FBN3: variants seen among roughly 807,000 people sequenced by gnomAD.
The protein encoded by FBN3 is fibrillin-3.
In FBN3, 234 loss-of-function variants were observed where a neutral mutation model predicts 330.1. The ratio of observed to expected loss-of-function variants is 0.71; its 90% CI spans 0.64 to 0.79. The LOEUF (loss-of-function observed/expected upper bound fraction) is 0.79. Among genes scored for constraint, FBN3 ranks in the 30% least tolerant of loss-of-function variants. FBN3 has a pLI of 0.00. For synonymous variants in FBN3, 1,458 were observed against 1,517.3 expected (o/e 0.96, Z 0.91); for missense variants, 3,606 against 3,886.9 (o/e 0.93, Z 1.92).
intron 61 of FBN3, among the ~76,000 whole-genome samples, chr19:8,073,544 G>C (rs1173844285): frequency 6.6e-6 from 1 of 152,234 alleles, no homozygotes; most frequent in Non-Finnish European, 1.5e-5. Context: ...GGATGATCTA[G>C]AACAAGCTTT....
intron 60 of FBN3, 42 bp from the exon 61 acceptor site, chr19:8,075,232 C>T (rs763183824): frequency 6.3e-7 from 1 of 1,580,582 alleles, no homozygotes; most frequent in East Asian, 2.3e-5. Flanking sequence ...CCAGACGGCT[C>T]TCAGGACCAA....
At position 8,075,375 on chromosome 19, in the gene FBN3, C is replaced by T; in HGVS notation, c.7490G>A (p.Gly2497Asp). The T allele has an allele frequency of 6.2e-7, 1 of 1,614,034 alleles. No individual in the cohort carries two copies. Among genetic ancestry groups the T allele is most frequent in the Non-Finnish European group, 8.5e-7 (1 of 1,179,986 alleles). ...GGTGTTGTGGCAGTGCCCGTGGGCA[C>T]CACATGGGCCAGGCTGGGCTGAGCA... ...DECSAQPGPC[G>D]AHGHCHNTPG... Residue 2497 changes from glycine (G) to aspartate (D), a missense_variant, in exon 60 of 64, where the codon GGT (glycine) becomes GAT (aspartate). Transcript: ENST00000600128.
rs1162137725 is a variant in FBN3 at position 8,087,074 on chromosome 19, T to C, written c.6754+3A>G. 2.5e-6 allele frequency: 4 copies of C among 1,606,846 alleles called. No homozygotes were observed. The highest frequency in any genetic ancestry group is 2.2e-5 in the East Asian group (1 of 44,482). On this transcript the variant is annotated splice_donor_region_variant and intron_variant, in intron 54 of 63. Coordinates refer to ENST00000600128, the MANE Select transcript of FBN3 (RefSeq NM_032447.5). ...GCACCCATGAAGCTCCAGTGCCCCA[T>C]ACCTGTGCAGCCCTCCCCAGAGCCA...
intron 58 of FBN3, 112 bp from the exon 59 acceptor site, chr19:8,081,231 C>A: frequency 6.8e-7 from 1 of 1,480,012 alleles, no homozygotes. Context: ...AGAAAGACCT[C>A]GGAGATGGTG....
chr19:8,139,330 G>T (rs149475332), intron 8 of FBN3, among the ~76,000 whole-genome samples: 1 of 152,294 alleles, frequency 6.6e-6, no homozygotes, highest in East Asian at 1.9e-4. Flanking sequence ...CTGGGCCACA[G>T]ACCAAGATTC....
intron 63 of FBN3, among the ~76,000 whole-genome samples, chr19:8,070,398 G>T (rs2081485574): frequency 6.6e-6 from 1 of 152,174 alleles, no homozygotes; most frequent in Non-Finnish European, 1.5e-5. Context: ...TGTTGTTGTT[G>T]TTCACTGTTG....
In FBN3 at chr19:8,100,886, G is replaced by A. The variant is rs372989914; in HGVS notation, c.5161+15C>T. On this transcript the variant is annotated intron_variant, in intron 41 of 63. Transcript: ENST00000600128. ...GGATGGGTGCCCAGGGATAGAGCAG[G>A]GACCACTCACTCACCAAGGGGCTTC... is the stretch of plus-strand genomic sequence containing the variant. The A allele has an allele frequency of 4.0e-5, 64 of 1,611,084 alleles. No homozygotes were observed. The highest frequency in any genetic ancestry group is 4.5e-5 in the Non-Finnish European group (53 of 1,177,656).
Position 8,073,148 on chromosome 19 carries a change from G to A in FBN3, c.7852C>T (p.Arg2618Cys), listed in dbSNP as rs770506437. The change falls in exon 62 of 64, where the codon CGT becomes TGT. Residue 2618 changes from arginine (R) to cysteine (C), a missense_variant. Physicochemically the swap from Arg to Cys is radical, Grantham distance 180 (BLOSUM62 -3). Transcript: ENST00000600128. ...GCACAGCTGTAGCTACAGGGGCCAC[G>A]CCGTCCGGCGCACTCATCCACCTCC... is the stretch of plus-strand genomic sequence containing the variant. ...CQEVDECAGRRGPCSYSCANT... is the reference protein window; with the variant it reads ...CQEVDECAGRCGPCSYSCANT... The A allele has an allele frequency of 8.7e-6, 14 of 1,613,724 alleles. No homozygotes were observed. The highest frequency in any genetic ancestry group is 4.0e-5 in the African/African-American group (3 of 74,932).
chr19:8,105,972 A>G (rs2082428421), intron 38 of FBN3, 136 bp downstream of exon 38: 1 of 989,584 alleles, frequency 1.0e-6, no homozygotes, highest in South Asian at 1.6e-5. Flanking sequence ...CTGACAGATC[A>G]TGACAAAAGA....
At position 8,149,139 on chromosome 19, in the gene FBN3, C is replaced by T. The variant is rs935040600; in HGVS notation, c.-18+310G>A. On this transcript the variant is annotated intron_variant, in intron 1 of 63. Coordinates refer to ENST00000600128, the MANE Select transcript of FBN3 (RefSeq NM_032447.5). The surrounding 1 kb of genome is among the most constrained non-coding windows in gnomAD (Gnocchi z 5.5). Reference sequence around the variant, plus strand: ...TTCGCCGACGGGGAGGGGGCGCCCCCGGAGCCCGCGGGGCGCGATCTCCAC... The same window carrying T: ...TTCGCCGACGGGGAGGGGGCGCCCCTGGAGCCCGCGGGGCGCGATCTCCAC... Among the ~76,000 whole-genome samples the T allele has an allele frequency of 3.3e-5, 5 of 151,920 alleles. No homozygotes were observed. Among genetic ancestry groups the T allele is most frequent in the African/African-American group, 1.2e-4 (5 of 41,408 alleles).
chr19:8,107,750 G>A lies in FBN3; in HGVS notation c.4687+420C>T, dbSNP rs149484984. Among the ~76,000 whole-genome samples, 482 of 151,416 alleles carry A rather than the reference G, an allele frequency of 3.2e-3. 1 individual carries two copies. Among genetic ancestry groups the A allele is most frequent in the African/African-American group, 0.011 (467 of 41,246 alleles). On this transcript the variant is annotated intron_variant, in intron 37 of 63. Coordinates refer to ENST00000600128, the MANE Select transcript of FBN3 (RefSeq NM_032447.5). ...GGAAGTATGGAAGGAAGAATGGATG[G>A]AGGATGGCTGGATGGAAGGATGTAT...
In FBN3 at chr19:8,116,039, A is replaced by T. The variant is rs79540605; in HGVS notation, c.3713-399T>A. Among the ~76,000 whole-genome samples, 747 of 152,228 alleles carry T rather than the reference A, an allele frequency of 4.9e-3. 2 individuals carry two copies. The highest frequency in any genetic ancestry group is 0.017 in the African/African-American group (703 of 41,538). On this transcript the variant is annotated intron_variant, in intron 29 of 63. Coordinates refer to ENST00000600128, the MANE Select transcript of FBN3 (RefSeq NM_032447.5). Reference sequence around the variant, plus strand: ...GGAGCAGACTGCATTCCCTAAATGCATTTGTTCACAAGGCCCATCGCTGAA... The same window carrying T: ...GGAGCAGACTGCATTCCCTAAATGCTTTTGTTCACAAGGCCCATCGCTGAA...
At chr19:8,135,935 T>TTGGGGGGGGGGGGGGGGGGGGCC in intron 13 of FBN3, 26 bp downstream of exon 13, 5 of 1,344,156 alleles carry the variant, frequency 3.7e-6, no homozygotes, top group South Asian at 1.3e-5. Context: ...CGGAAGCCCC[T>TTGGGGGGGGGGGGGGGGGGGGCC]GCCCACCCGC....
intron 13 of FBN3, 25 bp downstream of exon 13, chr19:8,135,936 G>GGCTCCCC: frequency 1.5e-6 from 1 of 668,778 alleles, no homozygotes; most frequent in South Asian, 1.6e-5. Flanking sequence ...GGAAGCCCCT[G>GGCTCCCC]CCCACCCGCC....
chr19:8,133,642 C>T (rs1448688119), intron 13 of FBN3, among the ~76,000 whole-genome samples: 4 of 151,762 alleles, frequency 2.6e-5, no homozygotes, highest in East Asian at 3.9e-4. Context: ...TTAGTAGAGA[C>T]GGGGTTTCAC....
chr19:8,075,515 A>C lies in FBN3; in HGVS notation c.7454-104T>G, dbSNP rs557579520. 2.5e-4 allele frequency: 299 copies of C among 1,199,440 alleles called. 2 individuals carry two copies. In the African/African-American group the frequency reaches 3.9e-3, roughly 16 times the overall value. 74.3% of individuals were successfully genotyped at this position (1,199,440 alleles called of 1,614,324 possible). On this transcript the variant is annotated intron_variant, in intron 59 of 63. Coordinates refer to ENST00000600128, the MANE Select transcript of FBN3 (RefSeq NM_032447.5). ...CTGTGTGGCTTCAGGCAAGTTGCTC[A>C]CCCTCTCTGTGCCTGTTTCCCACTC...
chr19:8,068,200 C>T (rs1203443830), intron 63 of FBN3, among the ~76,000 whole-genome samples: 1 of 149,160 alleles, frequency 6.7e-6, no homozygotes, highest in African/African-American at 2.5e-5. Flanking sequence ...TCCTGGCTAA[C>T]AAGGTGAAAC....
At chr19:8,085,946 C>G (rs77152071) in intron 55 of FBN3, among the ~76,000 whole-genome samples, 5,414 of 139,294 alleles carry the variant, frequency 0.039, 144 homozygotes, top group Non-Finnish European at 0.061. Context: ...GGCCCCGTCC[C>G]TGCCTTGGAG....
In FBN3 at chr19:8,149,066, C is replaced by A. The variant is rs923902841; in HGVS notation, c.-18+383G>T. ...AATGAATGAGCAGAGAAGGCGCGCC[C>A]GGCACGGGGTGTGGAGGCTGAGGGC... On this transcript the variant is annotated intron_variant, in intron 1 of 63. Coordinates refer to ENST00000600128, the MANE Select transcript of FBN3 (RefSeq NM_032447.5). This position sits in a 1 kb window ranked among gnomAD's most constrained non-coding sequence, Gnocchi z 5.5. 1.2e-3 allele frequency among the ~76,000 whole-genome samples: 182 copies of A among 152,300 alleles called. 2 individuals are homozygous for A. Among genetic ancestry groups the A allele is most frequent in the Middle Eastern group, 6.8e-3 (2 of 294 alleles).
Sources: allele counts gnomAD v4.1 joint callset (sites outside exome capture counted in the v4.1 genomes callset), GRCh38; gene constraint gnomAD v4.1.1; non-coding constraint Gnocchi (gnomAD v3.1); transcripts MANE v1.5; gene names NCBI Gene and HGNC (gene_info 2026-07-23, HGNC 2026-07-21).